The following MUC17 variants were observed in gnomAD, a reference collection of about 807,000 sequenced individuals.
The protein encoded by MUC17 is mucin 17, cell surface associated.
In MUC17, 190 loss-of-function variants were observed where a neutral mutation model predicts 170.3. The observed-to-expected ratio is 1.12, with a 90% CI of 0.99 to 1.26. The LOEUF (loss-of-function observed/expected upper bound fraction) is 1.26. Among genes scored for constraint, MUC17 ranks in the 50% most tolerant of loss-of-function variants. The pLI, the probability that MUC17 is intolerant of heterozygous loss-of-function variation, is 0.00. For missense variants in MUC17, 6,415 were observed against 5,530.0 expected (o/e 1.16, Z -5.08); for synonymous variants, 2,325 against 2,002.5 (o/e 1.16, Z -4.30).
At chr7:101,020,277 T>TG in intron 1 of MUC17, 60 bp downstream of exon 1, 2 of 1,452,916 alleles carry the variant, frequency 1.4e-6, no homozygotes, top group Non-Finnish European at 1.9e-6. Flanking sequence ...CAGCCTGCTC[T>TG]GTCTGCCCAT....
chr7:101,031,808 G>T lies in MUC17; in HGVS notation c.392G>T (p.Ser131Ile), dbSNP rs1229712784. 1.2e-6 allele frequency: 2 copies of T among 1,612,058 alleles called. No individual in the cohort carries two copies. Among genetic ancestry groups the T allele is most frequent in the Non-Finnish European group, 1.7e-6 (2 of 1,178,132 alleles). Reference sequence around the variant, plus strand: ...AGTGACAGCACCACACTTTTCCCCAGTTCTACTGAAGACACTTCATCTCCT... The same window carrying T: ...AGTGACAGCACCACACTTTTCCCCATTTCTACTGAAGACACTTCATCTCCT... ...STSDSTTLFPSSTEDTSSPTT... is the reference protein window; with the variant it reads ...STSDSTTLFPISTEDTSSPTT... The change falls in exon 3 of 13, where the codon AGT (serine) becomes ATT (isoleucine). Residue 131 changes from serine (S) to isoleucine (I), a missense_variant. Physicochemically the swap from Ser to Ile is moderately radical, Grantham distance 142. Coordinates refer to ENST00000306151, the MANE Select transcript of MUC17 (RefSeq NM_001040105.2).
chr7:101,058,303 T>C lies in MUC17; in HGVS notation c.*259T>C, dbSNP rs2116490879. 2.9e-6 allele frequency: 1 copy of C among 339,334 alleles called. No individual in the cohort carries two copies. Among genetic ancestry groups the C allele is most frequent in the South Asian group, 7.6e-5 (1 of 13,094 alleles). The allele number at this position is 339,334 out of a possible 1,614,324, so 21.0% of individuals were successfully genotyped here. ...CTCATTTTTCAAAGACGCTCCAGATTTGAGGGTACTCTGACTGCAACATCT... is the reference window on the plus strand; with the variant it reads ...CTCATTTTTCAAAGACGCTCCAGATCTGAGGGTACTCTGACTGCAACATCT... On this transcript the variant is annotated 3_prime_UTR_variant, in exon 13 of 13. Transcript: ENST00000306151.
intron 1 of MUC17, among the ~76,000 whole-genome samples, 161 bp from the exon 2 acceptor site, chr7:101,030,959 A>G (rs374009103): frequency 6.6e-6 from 1 of 152,232 alleles, no homozygotes; most frequent in East Asian, 1.9e-4. Flanking sequence ...TTCTTGCTTT[A>G]CTTTCTGGGG....
chr7:101,036,237 T>G lies in MUC17; in HGVS notation c.4821T>G (p.Ser1607=). The G allele has an allele frequency of 6.2e-7, 1 of 1,614,016 alleles. No homozygotes were observed. Residue 1607 remains serine (S), a synonymous_variant, in exon 3 of 13, where the codon TCT becomes TCG. Coordinates refer to ENST00000306151, the MANE Select transcript of MUC17 (RefSeq NM_001040105.2). The part of the protein sequence containing the change: ...PIDSKTQVTA[S]TEASSSTTAE... ...ACTCCAAAACTCAGGTGACCGCTTC[T>G]ACTGAAGCCAGTTCATCTACAACCG...
Position 101,040,769 on chromosome 7 carries a change from C to A in MUC17, c.9353C>A (p.Thr3118Asn), listed in dbSNP as rs551551457. The change falls in exon 3 of 13, where the codon ACC becomes AAC. Residue 3118 changes from threonine (T) to asparagine (N), a missense_variant. Physicochemically the swap from Thr to Asn is moderately conservative, Grantham distance 65 (BLOSUM62 0). Coordinates refer to ENST00000306151, the MANE Select transcript of MUC17 (RefSeq NM_001040105.2). ...GTGCCTGTCAGCACCACACCGGTGA[C>A]CAGTTCTGCAATCAGCACCCTTTCA... Reference protein sequence around the residue: ...TGVPVSTTPVTSSAISTLSTT... With the variant: ...TGVPVSTTPVNSSAISTLSTT... 1.2e-6 allele frequency: 2 copies of A among 1,613,054 alleles called. No homozygotes were observed. The highest frequency in any genetic ancestry group is 1.1e-5 in the South Asian group (1 of 91,032).
At chr7:101,049,815 G>A (rs1391035554) in intron 6 of MUC17, among the ~76,000 whole-genome samples, 1 of 152,138 alleles carries the variant, frequency 6.6e-6, no homozygotes, top group Non-Finnish European at 1.5e-5. Flanking sequence ...CTGAGGTTCT[G>A]GAGGTTAGGG....
chr7:101,037,545 C>G lies in MUC17; in HGVS notation c.6129C>G (p.Thr2043=), dbSNP rs1794528381. Residue 2043 remains threonine, a synonymous_variant, in exon 3 of 13, where the codon ACC becomes ACG. Transcript: ENST00000306151. The part of the protein sequence containing the change: ...SIQTSTPSER[T]TPLAGMPVST... ...AAACCTCAACTCCTAGTGAACGGAC[C>G]ACTCCATTAGCAGGTATGCCTGTCA... The G allele has an allele frequency of 3.1e-6, 5 of 1,613,588 alleles. No homozygotes were observed. The Admixed American group carries it at 8.3e-5, about 27-fold the overall frequency.
In MUC17 at chr7:101,039,269, C is replaced by T; in HGVS notation, c.7853C>T (p.Ala2618Val). 6.2e-7 allele frequency: 1 copy of T among 1,613,478 alleles called. No individual in the cohort carries two copies. Among genetic ancestry groups the T allele is most frequent in the Non-Finnish European group, 8.5e-7 (1 of 1,179,722 alleles). The change falls in exon 3 of 13, where the codon GCA (alanine) becomes GTA (valine). Residue 2618 changes from alanine to valine, a missense_variant. By Grantham distance (64) the Ala-to-Val change is moderately conservative. Coordinates refer to ENST00000306151, the MANE Select transcript of MUC17 (RefSeq NM_001040105.2). ...STETSSSPTT[A>V]KDTSMPISTP... ...GAAACCAGTTCATCTCCTACAACTG[C>T]AAAAGATACCAGCATGCCAATCTCA...
rs1371364277 is a variant in MUC17, at chr7:101,020,114, G to A, written c.-22G>A. ...CAGCTCCTCTGGGGGTGACAGGCAA[G>A]TGAGACGTGCTCAGAGCTCCGATGC... On this transcript the variant is annotated 5_prime_UTR_variant, in exon 1 of 13. It adds an upstream start codon to the 5' untranslated region. Coordinates refer to ENST00000306151, the MANE Select transcript of MUC17 (RefSeq NM_001040105.2). The A allele has an allele frequency of 1.3e-6, 2 of 1,574,358 alleles. No homozygotes were observed. The highest frequency in any genetic ancestry group is 1.8e-5 in the Admixed American group (1 of 54,702).
chr7:101,026,616 G>A (rs994430020), intron 1 of MUC17, among the ~76,000 whole-genome samples: 2 of 152,136 alleles, frequency 1.3e-5, no homozygotes, highest in African/African-American at 4.8e-5. Context: ...ATATGACCTC[G>A]CTCTGTTGCC....
Position 101,039,152 on chromosome 7 carries a change from T to A in MUC17, c.7736T>A (p.Met2579Lys), listed in dbSNP as rs755600945. 6.2e-7 allele frequency: 1 copy of A among 1,614,026 alleles called. No homozygotes were observed. Among genetic ancestry groups the A allele is most frequent in the South Asian group, 1.1e-5 (1 of 91,072 alleles). ...YSEGSTPLRSMPVSTKPLASS... is the reference protein window; with the variant it reads ...YSEGSTPLRSKPVSTKPLASS... ...GAAGGAAGCACTCCATTAAGAAGTA[T>A]GCCTGTCAGCACCAAGCCGTTGGCC... Residue 2579 changes from methionine (M) to lysine (K), a missense_variant, in exon 3 of 13, where the codon ATG becomes AAG. Met to Lys is a moderately conservative substitution (Grantham distance 95). Transcript: ENST00000306151.
rs774481536 is a variant in MUC17 at position 101,038,253 on chromosome 7, T to G, written c.6837T>G (p.Thr2279=). The G allele has an allele frequency of 7.4e-6, 12 of 1,613,846 alleles. No homozygotes were observed. Among genetic ancestry groups the G allele is most frequent in the Middle Eastern group, 3.3e-4 (2 of 6,062 alleles). The part of the protein sequence containing the change: ...IPTSTLSEGT[T]PLTSIPVSHT... ...CTTCAACTCTTAGTGAAGGAACGAC[T>G]CCATTAACAAGTATACCTGTCAGCC... The change falls in exon 3 of 13, where the codon ACT becomes ACG. Residue 2279 remains threonine, a synonymous_variant. Transcript: ENST00000306151.
At position 101,053,107 on chromosome 7, in the gene MUC17, C is replaced by T. The variant is rs1457383906; in HGVS notation, c.13225C>T (p.Leu4409Phe). 1 of 1,614,112 alleles carries T rather than the reference C, an allele frequency of 6.2e-7. No homozygotes were observed. The highest frequency in any genetic ancestry group is 2.2e-5 in the East Asian group (1 of 44,880). The stretch of plus-strand genomic sequence containing the variant: ...GCTGATGCTGATCATCCTGGTAGCT[C>T]TCCTGATGCTCGTTTTCCGCTCCAA... ...VVLMLIILVALLMLVFRSKRE... is the reference protein window; with the variant it reads ...VVLMLIILVAFLMLVFRSKRE... The change falls in exon 10 of 13, where the codon CTC becomes TTC. Residue 4409 changes from leucine to phenylalanine, a missense_variant. Coordinates refer to ENST00000306151, the MANE Select transcript of MUC17 (RefSeq NM_001040105.2).
chr7:101,057,150 A>G (rs1795059763), intron 12 of MUC17, among the ~76,000 whole-genome samples: 1 of 152,214 alleles, frequency 6.6e-6, no homozygotes, highest in African/African-American at 2.4e-5. Flanking sequence ...AGATAATGCT[A>G]TCGCCTCACT....
In MUC17 at chr7:101,032,035, C is replaced by G; in HGVS notation, c.619C>G (p.Pro207Ala). ...TACTACTCCTGAAAGCACCACCATACCCAAATCAACTAACAGTGAAGGAAG... is the reference window on the plus strand; with the variant it reads ...TACTACTCCTGAAAGCACCACCATAGCCAAATCAACTAACAGTGAAGGAAG... ...SPTTPESTTI[P>A]KSTNSEGSTP... Residue 207 changes from proline to alanine, a missense_variant, in exon 3 of 13, where the codon CCC (proline) becomes GCC (alanine). Pro to Ala is a conservative substitution (Grantham distance 27). Transcript: ENST00000306151. 6.2e-7 allele frequency: 1 copy of G among 1,614,228 alleles called. No individual in the cohort carries two copies. The highest frequency in any genetic ancestry group is 8.5e-7 in the Non-Finnish European group (1 of 1,180,046).
chr7:101,037,567 G>C lies in MUC17; in HGVS notation c.6151G>C (p.Val2051Leu). ...GACCACTCCATTAGCAGGTATGCCT[G>C]TCAGCACTACGCTTGTGGTCAGTTC... ...ERTTPLAGMP[V>L]STTLVVSSEG... The change falls in exon 3 of 13, where the codon GTC becomes CTC. Residue 2051 changes from valine to leucine, a missense_variant. Coordinates refer to ENST00000306151, the MANE Select transcript of MUC17 (RefSeq NM_001040105.2). The C allele has an allele frequency of 6.2e-7, 1 of 1,613,842 alleles. No homozygotes were observed. The highest frequency in any genetic ancestry group is 8.5e-7 in the Non-Finnish European group (1 of 1,179,860).
chr7:101,041,945 C>G lies in MUC17; in HGVS notation c.10529C>G (p.Ser3510Ter). ...GCTGAAGTTACCAGCATGCCAACAT[C>G]AACTGCTGGTGAAGGAAGCACTCCA... ...TTAEVTSMPTSTAGEGSTPLT... is the reference protein window; with the variant it reads ...TTAEVTSMPT Residue 3510 changes from serine (S) to a stop codon, truncating the protein, a stop_gained, in exon 3 of 13, where the codon TCA becomes TGA. Coordinates refer to ENST00000306151, the MANE Select transcript of MUC17 (RefSeq NM_001040105.2). LOFTEE classifies it high-confidence loss of function. 1 of 1,613,190 alleles carries G rather than the reference C, an allele frequency of 6.2e-7. No individual in the cohort carries two copies. Among genetic ancestry groups the G allele is most frequent in the Middle Eastern group, 1.7e-4 (1 of 6,060 alleles).
At chr7:101,021,814 C>A (rs372688685) in intron 1 of MUC17, among the ~76,000 whole-genome samples, 2 of 152,164 alleles carry the variant, frequency 1.3e-5, no homozygotes, top group African/African-American at 4.8e-5. Context: ...CAGAGCCTCA[C>A]CCCTGCTGAA....
In MUC17 at chr7:101,033,750, C is replaced by T. The variant is rs369101308; in HGVS notation, c.2334C>T (p.Ile778=). The change falls in exon 3 of 13, where the codon ATC becomes ATT. Residue 778 remains isoleucine (I), a synonymous_variant. Transcript: ENST00000306151. ...STTPLDTSTH[I]TTSTEASCSP... is the part of the protein sequence containing the mutation. The stretch of plus-strand genomic sequence containing the variant: ...CTCCTCTTGACACAAGCACACATAT[C>T]ACCACTTCTACTGAAGCCAGTTGCT... The T allele has an allele frequency of 3.3e-5, 53 of 1,613,054 alleles. 1 individual carries two copies. In the South Asian group the frequency reaches 4.3e-4, roughly 13 times the overall value.
Sources: gnomAD v4.1 joint callset for allele counts (sites outside exome capture counted in the v4.1 genomes callset) on GRCh38, gnomAD v4.1.1 for gene constraint, MANE v1.5 for transcripts, NCBI Gene and HGNC (gene_info 2026-07-23, HGNC 2026-07-21) for gene names.